The following PKN2 variants were observed in gnomAD, a reference collection of about 807,000 sequenced individuals.
PKN2 encodes serine/threonine-protein kinase N2.
In PKN2, 38 loss-of-function variants were observed where a neutral mutation model predicts 119.1. The ratio of observed to expected loss-of-function variants is 0.32; its 90% CI spans 0.25 to 0.42. The LOEUF (loss-of-function observed/expected upper bound fraction) is 0.42. Among genes scored for constraint, PKN2 ranks in the 10% least tolerant of loss-of-function variants. The pLI, the probability that PKN2 is intolerant of heterozygous loss-of-function variation, is 1.00. For synonymous variants in PKN2, 390 were observed against 384.9 expected, an observed-to-expected ratio of 1.01 and a Z score of -0.15; for missense variants, 850 against 1,165.1, an observed-to-expected ratio of 0.73 and a Z score of 3.94.
chr1:88,709,030 T>G (rs534700386), intron 1 of PKN2, among the ~76,000 whole-genome samples: 2 of 151,944 alleles, frequency 1.3e-5, no homozygotes, highest in Non-Finnish European at 2.9e-5. Context: ...AAAGCATTAT[T>G]CTGGGGCCTG....
chr1:88,723,457 T>C lies in PKN2; in HGVS notation c.49-17531T>C, dbSNP rs905052454. Among the ~76,000 whole-genome samples the C allele has an allele frequency of 2.2e-5, 3 of 135,658 alleles. No individual in the cohort carries two copies. In the South Asian group the frequency reaches 8.0e-4, roughly 36 times the overall value. The allele number at this position is 135,658 out of a possible 152,430, so 89.0% of individuals were successfully genotyped here. On this transcript the variant is annotated intron_variant, in intron 1 of 21. Coordinates refer to ENST00000370521, the MANE Select transcript of PKN2 (RefSeq NM_006256.4). ...TGTTTATTTTGAGACAGTCTTGCTC[T>C]GTCACCCAGGCTGGAGTACAGTGGC...
chr1:88,747,617 A>T (rs958446217), intron 2 of PKN2, among the ~76,000 whole-genome samples: 2 of 152,072 alleles, frequency 1.3e-5, no homozygotes. Context: ...AACATTTTTT[A>T]ATATTTTATT....
chr1:88,807,490 C>G (rs776981426), intron 13 of PKN2, 39 bp from the exon 14 acceptor site: 1 of 1,602,438 alleles, frequency 6.2e-7, no homozygotes. Context: ...TGGTACCATA[C>G]TTTATTGTCT....
chr1:88,770,882 G>A (rs1314334444), intron 4 of PKN2, among the ~76,000 whole-genome samples: 1 of 149,718 alleles, frequency 6.7e-6, no homozygotes, highest in East Asian at 1.9e-4. Context: ...ACCGCGCCCG[G>A]CCCTTTTTTT....
chr1:88,687,128 G>C (rs770176247), intron 1 of PKN2, among the ~76,000 whole-genome samples: 3 of 151,996 alleles, frequency 2.0e-5, no homozygotes, highest in Non-Finnish European at 2.9e-5. Context: ...TCCACTGCTT[G>C]AGCTGGAATT....
At chr1:88,774,191 C>T (rs6686483) in intron 6 of PKN2, among the ~76,000 whole-genome samples, 1 of 152,126 alleles carries the variant, frequency 6.6e-6, no homozygotes, top group Non-Finnish European at 1.5e-5. Context: ...ATATCACCCT[C>T]CTAACACATC....
At chr1:88,760,146 A>C in intron 2 of PKN2, 76 bp from the exon 3 acceptor site, 1 of 822,192 alleles carries the variant, frequency 1.2e-6, no homozygotes, top group Non-Finnish European at 2.0e-6. Context: ...AATGCTGTTT[A>C]TTTGAAAAAT....
rs960031940 is a variant in PKN2 at position 88,836,084 on chromosome 1, T to C, written c.*2636T>C. 16 of 152,170 alleles carry C rather than the reference T, an allele frequency of 1.1e-4. 1 individual carries two copies. The highest frequency in any genetic ancestry group is 7.9e-4 in the Admixed American group (12 of 15,284). 9.4% of individuals were successfully genotyped at this position (152,170 alleles called of 1,614,324 possible). A position where few individuals can be genotyped will look rare whatever the true frequency, so the allele number is the denominator to read the frequency against. On this transcript the variant is annotated 3_prime_UTR_variant, in exon 22 of 22. Coordinates refer to ENST00000370521, the MANE Select transcript of PKN2 (RefSeq NM_006256.4). Reference sequence around the variant, plus strand: ...GCTTACTGTGTATAGATACTGAGAATAGGAAGTTTTTTTTTTTAAAGCAAC... The same window carrying C: ...GCTTACTGTGTATAGATACTGAGAACAGGAAGTTTTTTTTTTTAAAGCAAC...
At chr1:88,823,168 C>T (rs762670147) in intron 17 of PKN2, among the ~76,000 whole-genome samples, 7 of 151,958 alleles carry the variant, frequency 4.6e-5, no homozygotes, top group African/African-American at 1.2e-4. Flanking sequence ...TGCAGTGAGC[C>T]GTGATTATGC....
At chr1:88,687,968 T>G (rs1336288820) in intron 1 of PKN2, among the ~76,000 whole-genome samples, 1 of 152,188 alleles carries the variant, frequency 6.6e-6, no homozygotes, top group African/African-American at 2.4e-5. Context: ...TCCAATAAGG[T>G]AGGTGTTATT....
rs573689418 is a variant in PKN2, at chr1:88,793,154, G to T, written c.1281+6941G>T. ...TTATGATTTAATATTGCATCTTGAT[G>T]TTTGTTTATATTTCTCTTGACTATA... On this transcript the variant is annotated intron_variant, in intron 8 of 21. Coordinates refer to ENST00000370521, the MANE Select transcript of PKN2 (RefSeq NM_006256.4). Among the ~76,000 whole-genome samples the T allele has an allele frequency of 3.3e-5, 5 of 152,244 alleles. 1 individual carries two copies. In the South Asian group the frequency reaches 1.0e-3, roughly 32 times the overall value.
intron 1 of PKN2, among the ~76,000 whole-genome samples, chr1:88,702,039 ACCTCCG>A (rs1666791006): frequency 6.6e-6 from 1 of 152,010 alleles, no homozygotes; most frequent in Non-Finnish European, 1.5e-5. Context: ...GCTCACTGCA[ACCTCCG>A]CCTCCTGGGC....
chr1:88,763,012 G>T (rs1415399871), intron 3 of PKN2, among the ~76,000 whole-genome samples: 1 of 152,160 alleles, frequency 6.6e-6, no homozygotes, highest in Admixed American at 6.5e-5. Context: ...GTCAACTCTA[G>T]TAGTCATTTT....
At chr1:88,826,692 C>G (rs1157569624) in intron 18 of PKN2, among the ~76,000 whole-genome samples, 1 of 152,094 alleles carries the variant, frequency 6.6e-6, no homozygotes, top group Non-Finnish European at 1.5e-5. Flanking sequence ...TGTTAGACAA[C>G]TTTCCCAACC....
intron 1 of PKN2, among the ~76,000 whole-genome samples, chr1:88,711,715 G>T (rs1419390748): frequency 1.3e-5 from 2 of 152,176 alleles, no homozygotes; most frequent in East Asian, 3.8e-4. Context: ...AGGTAGAAAT[G>T]TGATCATTTA....
intron 18 of PKN2, among the ~76,000 whole-genome samples, chr1:88,825,617 A>G (rs952095545): frequency 2.0e-5 from 3 of 152,182 alleles, no homozygotes; most frequent in Non-Finnish European, 4.4e-5. Flanking sequence ...TCTGAAATCT[A>G]TCATTTCCAG....
At chr1:88,740,596 G>T (rs531219983) in intron 1 of PKN2, among the ~76,000 whole-genome samples, 1 of 152,054 alleles carries the variant, frequency 6.6e-6, no homozygotes, top group African/African-American at 2.4e-5. Context: ...TTATTATTTA[G>T]ATTTTGTAGA....
chr1:88,782,312 T>G (rs1201914034), intron 6 of PKN2, among the ~76,000 whole-genome samples: 1 of 152,160 alleles, frequency 6.6e-6, no homozygotes, highest in Non-Finnish European at 1.5e-5. Context: ...TTTCTTTGTT[T>G]AGTGTTCTTT....
intron 1 of PKN2, among the ~76,000 whole-genome samples, chr1:88,686,474 G>T (rs1015562443): frequency 1.3e-5 from 2 of 151,924 alleles, no homozygotes; most frequent in Non-Finnish European, 2.9e-5. Context: ...TAAATATGAT[G>T]ACCTAGAAAT....
Sources: gnomAD v4.1 joint callset for allele counts (sites outside exome capture counted in the v4.1 genomes callset) on GRCh38, gnomAD v4.1.1 for gene constraint, MANE v1.5 for transcripts, NCBI Gene and HGNC (gene_info 2026-07-23, HGNC 2026-07-21) for gene names.